The following PPARGC1A variants were observed in gnomAD, a reference collection of about 807,000 sequenced individuals.
PPARGC1A encodes PPARG coactivator 1 alpha, also known as peroxisome proliferator-activated receptor gamma coactivator 1-alpha.
A neutral mutation model predicts 88.7 loss-of-function variants in PPARGC1A; 25 were observed. The observed-to-expected ratio is 0.28, with a 90% CI of 0.21 to 0.39. PPARGC1A has a LOEUF of 0.39. Among genes scored for constraint, PPARGC1A ranks in the 10% least tolerant of loss-of-function variants. The pLI, the probability that PPARGC1A is intolerant of heterozygous loss-of-function variation, is 1.00. For synonymous variants in PPARGC1A, 363 were observed against 355.6 expected (o/e 1.02, Z -0.24); for missense variants, 880 against 968.7 (o/e 0.91, Z 1.22).
the PPARGC1A span, among the ~76,000 whole-genome samples, chr4:24,354,616 G>A: frequency 1.3e-5 from 2 of 152,152 alleles, no homozygotes; most frequent in African/African-American, 4.8e-5. Flanking sequence ...GCTGGGTGCG[G>A]TGGCTCACAC....
the PPARGC1A span, among the ~76,000 whole-genome samples, chr4:24,450,882 C>T: frequency 6.6e-6 from 1 of 152,168 alleles, no homozygotes; most frequent in Admixed American, 6.5e-5. Context: ...CTCTTGTTGT[C>T]CCTCAAATGA....
intron 2 of PPARGC1A, among the ~76,000 whole-genome samples, chr4:23,870,205 G>A (rs2148762274): frequency 6.6e-6 from 1 of 152,296 alleles, no homozygotes; most frequent in South Asian, 2.1e-4. Context: ...AGGCACTGGT[G>A]CAGATAAATC....
the PPARGC1A span, among the ~76,000 whole-genome samples, chr4:24,191,365 C>G: frequency 5.8e-3 from 885 of 152,304 alleles, 6 homozygotes; most frequent in East Asian, 0.015. Flanking sequence ...TAAACTGAGG[C>G]TCATGGAGGC....
the PPARGC1A span, among the ~76,000 whole-genome samples, chr4:24,182,499 T>G: frequency 6.6e-6 from 1 of 152,296 alleles, no homozygotes; most frequent in South Asian, 2.1e-4. Flanking sequence ...TTATAATCCT[T>G]TGGGTATATA....
At chr4:23,926,387 A>C in the PPARGC1A span, among the ~76,000 whole-genome samples, 1 of 152,140 alleles carries the variant, frequency 6.6e-6, no homozygotes, top group Non-Finnish European at 1.5e-5. Context: ...CATCCCCTTC[A>C]ATCTTAATCA....
the PPARGC1A span, among the ~76,000 whole-genome samples, chr4:23,921,574 C>T: frequency 1.3e-4 from 20 of 152,176 alleles, no homozygotes; most frequent in Admixed American, 7.2e-4. Context: ...ATTTCACTGG[C>T]GACAATAGAA....
chr4:23,821,136 T>A (rs900598314), intron 7 of PPARGC1A, among the ~76,000 whole-genome samples: 2 of 152,122 alleles, frequency 1.3e-5, no homozygotes, highest in African/African-American at 2.4e-5. Flanking sequence ...GCAAGTGCAA[T>A]GAAGCCTATT....
intron 2 of PPARGC1A, among the ~76,000 whole-genome samples, chr4:23,878,658 G>C (rs1715306359): frequency 6.6e-6 from 1 of 152,138 alleles, no homozygotes; most frequent in Non-Finnish European, 1.5e-5. Context: ...GAGGTGTGTA[G>C]ATGAACACAC....
intron 2 of PPARGC1A, among the ~76,000 whole-genome samples, chr4:23,879,538 C>A (rs1715504033): frequency 6.6e-6 from 1 of 152,114 alleles, no homozygotes; most frequent in Admixed American, 6.5e-5. Context: ...CATTCCTTAC[C>A]ACCTCTCTCT....
At chr4:24,311,740 T>TGTTATGCATTGA in the PPARGC1A span, among the ~76,000 whole-genome samples, 15 of 151,948 alleles carry the variant, frequency 9.9e-5, no homozygotes, top group Admixed American at 7.9e-4. Flanking sequence ...TATAGATCAA[T>TGTTATGCATTGA]ACATGTTATG....
intron 12 of PPARGC1A, among the ~76,000 whole-genome samples, chr4:23,799,403 A>C (rs1365792449): frequency 6.6e-6 from 1 of 152,222 alleles, no homozygotes; most frequent in Non-Finnish European, 1.5e-5. Flanking sequence ...TTTAATCTTC[A>C]CAATAACACT....
chr4:24,300,086 G>A, the PPARGC1A span, among the ~76,000 whole-genome samples: 1 of 152,142 alleles, frequency 6.6e-6, no homozygotes, highest in Non-Finnish European at 1.5e-5. Context: ...GTCTGATTAG[G>A]TGGGAACAGC....
the PPARGC1A span, among the ~76,000 whole-genome samples, chr4:24,351,891 CT>C: frequency 6.6e-6 from 1 of 151,876 alleles, no homozygotes; most frequent in Non-Finnish European, 1.5e-5. Context: ...AAAGGGTGTT[CT>C]TTTTTTATTT....
At chr4:24,314,625 C>T in the PPARGC1A span, among the ~76,000 whole-genome samples, 6 of 152,088 alleles carry the variant, frequency 3.9e-5, no homozygotes, top group East Asian at 1.9e-4. Flanking sequence ...GAAAGATTTG[C>T]GGTAAGTATG....
chr4:23,931,045 TCA>T, the PPARGC1A span, among the ~76,000 whole-genome samples: 2 of 151,598 alleles, frequency 1.3e-5, 1 homozygote, highest in African/African-American at 4.8e-5. Flanking sequence ...CTCTGTTGCT[TCA>T]CAGTCTAGTG....
chr4:24,118,007 C>A, the PPARGC1A span, among the ~76,000 whole-genome samples: 5 of 152,048 alleles, frequency 3.3e-5, no homozygotes, highest in African/African-American at 1.2e-4. Context: ...TTAGGCCAAC[C>A]CATCATTCAT....
intron 1 of PPARGC1A, 27 bp from the exon 2 acceptor site, chr4:23,884,958 A>T (rs17847344): frequency 5.4e-4 from 820 of 1,517,572 alleles, no homozygotes; most frequent in Non-Finnish European, 6.6e-4. Context: ...AAAAAAATTT[A>T]AAAAAGCTTC....
At chr4:24,168,601 G>A in the PPARGC1A span, among the ~76,000 whole-genome samples, 1 of 151,760 alleles carries the variant, frequency 6.6e-6, no homozygotes, top group Non-Finnish European at 1.5e-5. Flanking sequence ...ACAAGAAGGT[G>A]AGGAAGAGCT....
At chr4:24,287,666 A>ACACACAC in the PPARGC1A span, among the ~76,000 whole-genome samples, 12 of 138,524 alleles carry the variant, frequency 8.7e-5, no homozygotes, top group South Asian at 7.4e-4. Context: ...ACACACACAC[A>ACACACAC]ACTGCACTCA....
Sources: allele counts gnomAD v4.1 joint callset (sites outside exome capture counted in the v4.1 genomes callset), GRCh38; gene constraint gnomAD v4.1.1; transcripts MANE v1.5; gene names NCBI Gene and HGNC (gene_info 2026-07-23, HGNC 2026-07-21).